The following EXOC6 variants were observed in gnomAD, a reference collection of about 807,000 sequenced individuals.
The protein encoded by EXOC6 is SEC15-like 1.
A neutral mutation model predicts 112.5 loss-of-function variants in EXOC6; 60 were observed. That is an observed-to-expected ratio of 0.53 (90% CI 0.43 to 0.66). The LOEUF (loss-of-function observed/expected upper bound fraction) is 0.66. EXOC6 is among the 30% of genes least tolerant of loss of function. The pLI is 0.00. For missense variants in EXOC6, 855 were observed against 957.1 expected, an observed-to-expected ratio of 0.89 and a Z score of 1.41; for synonymous variants, 295 against 308.0, an observed-to-expected ratio of 0.96 and a Z score of 0.44.
chr10:92,922,644 C>G (rs1412691209), intron 8 of EXOC6, among the ~76,000 whole-genome samples: 1 of 152,126 alleles, frequency 6.6e-6, no homozygotes, highest in Admixed American at 6.5e-5. Context: ...AAAAGGGATT[C>G]TCTTTGGAAA....
chr10:93,030,154 T>C (rs999323959), intron 20 of EXOC6, among the ~76,000 whole-genome samples: 8 of 152,210 alleles, frequency 5.3e-5, no homozygotes, highest in African/African-American at 1.9e-4. Context: ...GTGATCTGCC[T>C]GCCTCGACCT....
At chr10:92,934,470 T>C in intron 11 of EXOC6, 40 bp downstream of exon 11, 1 of 1,508,048 alleles carries the variant, frequency 6.6e-7, no homozygotes, top group East Asian at 2.4e-5. Flanking sequence ...TTTAATTCAG[T>C]TACTTCAAGA....
At chr10:92,870,491 A>G (rs1848396642) in intron 1 of EXOC6, among the ~76,000 whole-genome samples, 1 of 152,042 alleles carries the variant, frequency 6.6e-6, no homozygotes, top group Non-Finnish European at 1.5e-5. Context: ...GGTCATGACA[A>G]TTTGCTCTTT....
intron 1 of EXOC6, among the ~76,000 whole-genome samples, chr10:92,892,125 A>G (rs1589774820): frequency 6.6e-6 from 1 of 152,314 alleles, no homozygotes; most frequent in South Asian, 2.1e-4. Context: ...AGTTCCCAAG[A>G]CCACTCTCAG....
At chr10:92,864,116 G>A (rs2133693455) in intron 1 of EXOC6, among the ~76,000 whole-genome samples, 1 of 152,124 alleles carries the variant, frequency 6.6e-6, no homozygotes, top group Middle Eastern at 3.4e-3. Context: ...ATAATAAAAA[G>A]TATAATAAAG....
chr10:92,935,952 C>T, intron 12 of EXOC6, 67 bp downstream of exon 12: 3 of 993,508 alleles, frequency 3.0e-6, no homozygotes, highest in Middle Eastern at 2.3e-4. Context: ...ATAGGCTATA[C>T]TCATTTATGT....
In EXOC6 at chr10:92,975,745, GGGGCCAGCCCCCCGCC is replaced by G. The variant is rs1328688722; in HGVS notation, c.1953+1523_1953+1538del. Among the ~76,000 whole-genome samples the G allele has an allele frequency of 3.7e-5, 5 of 135,274 alleles. No homozygotes were observed. The East Asian group carries it at 9.1e-4, about 25-fold the overall frequency. 88.7% of individuals were successfully genotyped at this position (135,274 alleles called of 152,430 possible). ...CCGCCCCGTCCGGGAGGGAGGTCGG[GGGGCCAGCCCCCCGCC>G]GGGCCAGCCGCCCCATCCGGGAGGG... is the stretch of plus-strand genomic sequence containing the variant. On this transcript the variant is annotated intron_variant, in intron 18 of 21. Coordinates refer to ENST00000260762, the MANE Select transcript of EXOC6 (RefSeq NM_019053.6).
chr10:92,901,641 G>GGAAAAAAAAAA (rs1231758883), intron 5 of EXOC6: 2 of 140,622 alleles, frequency 1.4e-5, no homozygotes, highest in Non-Finnish European at 3.0e-5. Context: ...TTTTGCCTCA[G>GGAAAAAAAAAA]ATCTGGAAGC....
intron 1 of EXOC6, among the ~76,000 whole-genome samples, chr10:92,870,408 G>A (rs550459036): frequency 3.9e-5 from 6 of 152,180 alleles, no homozygotes; most frequent in South Asian, 4.2e-4. Flanking sequence ...TATTTGCTCC[G>A]TCAGTATGAT....
chr10:92,887,112 G>C (rs1261953536), intron 1 of EXOC6, among the ~76,000 whole-genome samples: 3 of 152,136 alleles, frequency 2.0e-5, no homozygotes, highest in Non-Finnish European at 4.4e-5. Flanking sequence ...CAGGCTGTCT[G>C]ATTCAAGGTT....
intron 1 of EXOC6, among the ~76,000 whole-genome samples, chr10:92,882,010 C>A (rs530370811): frequency 6.6e-6 from 1 of 152,080 alleles, no homozygotes; most frequent in Non-Finnish European, 1.5e-5. Flanking sequence ...TACCCAGTCT[C>A]GAGTACGTCT....
chr10:92,894,448 G>T (rs573323226), intron 2 of EXOC6, among the ~76,000 whole-genome samples: 13 of 152,270 alleles, frequency 8.5e-5, no homozygotes, highest in Admixed American at 7.2e-4. Context: ...TACAGACAAT[G>T]AATGGCACAT....
At chr10:93,057,081 T>C (rs766279265) in intron 21 of EXOC6, 45 bp downstream of exon 21, 13 of 1,018,922 alleles carry the variant, frequency 1.3e-5, no homozygotes, top group Non-Finnish European at 1.7e-5. Flanking sequence ...TTAGCACCTT[T>C]TGATTCAGTG....
At chr10:93,038,040 CAA>C (rs1156726278) in intron 20 of EXOC6, among the ~76,000 whole-genome samples, 4 of 26,576 alleles carry the variant, frequency 1.5e-4, no homozygotes, top group Admixed American at 3.9e-4. Flanking sequence ...ACTCCGTCTC[CAA>C]AAAAAAAAAA....
intron 14 of EXOC6, among the ~76,000 whole-genome samples, chr10:92,950,206 C>A (rs189912462): frequency 1.6e-4 from 25 of 151,990 alleles, no homozygotes; most frequent in Admixed American, 1.4e-3. Flanking sequence ...TTAATAAAGT[C>A]TTTTGGTTGT....
At chr10:92,994,069 T>C (rs555849878) in intron 18 of EXOC6, among the ~76,000 whole-genome samples, 2 of 152,356 alleles carry the variant, frequency 1.3e-5, no homozygotes, top group South Asian at 4.1e-4. Flanking sequence ...TGACATCAGG[T>C]CTTTGACTCT....
At chr10:92,931,260 C>T (rs951117091) in intron 9 of EXOC6, among the ~76,000 whole-genome samples, 1 of 150,298 alleles carries the variant, frequency 6.7e-6, no homozygotes, top group Non-Finnish European at 1.5e-5. Flanking sequence ...ACCAATAAAC[C>T]AATTTAAAAA....
intron 2 of EXOC6, among the ~76,000 whole-genome samples, chr10:92,894,052 T>TA (rs1263213090): frequency 1.3e-5 from 2 of 152,192 alleles, no homozygotes; most frequent in Admixed American, 1.3e-4. Context: ...TATTTAATTA[T>TA]AAGAATTGTC....
At chr10:92,884,192 C>A (rs867462494) in intron 1 of EXOC6, among the ~76,000 whole-genome samples, 1 of 152,256 alleles carries the variant, frequency 6.6e-6, no homozygotes, top group African/African-American at 2.4e-5. Flanking sequence ...AGCCACTGTG[C>A]CTGGCCTAAA....
Sources: gnomAD v4.1 joint callset for allele counts (sites outside exome capture counted in the v4.1 genomes callset) on GRCh38, gnomAD v4.1.1 for gene constraint, MANE v1.5 for transcripts, NCBI Gene and HGNC (gene_info 2026-07-23, HGNC 2026-07-21) for gene names.